Variants in CACNA2D4 observed in about 807,000 individuals in gnomAD.
CACNA2D4 encodes the protein calcium voltage-gated channel auxiliary subunit alpha2delta 4.
A neutral mutation model predicts 163.8 loss-of-function variants in CACNA2D4; 157 were observed. The ratio of observed to expected loss-of-function variants is 0.96; its 90% CI spans 0.84 to 1.09. CACNA2D4 has a LOEUF of 1.09. Ranked by LOEUF, CACNA2D4 falls within the 50% of genes least tolerant of loss-of-function variation. The pLI is 0.00. For synonymous variants in CACNA2D4, 598 were observed against 586.9 expected (o/e 1.02, Z -0.27); for missense variants, 1,410 against 1,479.9 (o/e 0.95, Z 0.78).
chr12:1,794,380 T>G (rs1863053013), intron 37 of CACNA2D4, among the ~76,000 whole-genome samples: 1 of 152,174 alleles, frequency 6.6e-6, no homozygotes, highest in Non-Finnish European at 1.5e-5. Context: ...CACCCCACTC[T>G]CTGGACACCA....
intron 3 of CACNA2D4, among the ~76,000 whole-genome samples, 185 bp from the exon 4 acceptor site, chr12:1,910,150 A>G (rs556293130): frequency 6.6e-6 from 1 of 152,378 alleles, no homozygotes; most frequent in South Asian, 2.1e-4. Flanking sequence ...TGCACAACAG[A>G]CAAAAGGCAC....
intron 13 of CACNA2D4, among the ~76,000 whole-genome samples, chr12:1,881,451 CT>C (rs1033962671): frequency 1.3e-5 from 2 of 152,240 alleles, no homozygotes; most frequent in Non-Finnish European, 2.9e-5. Context: ...TTCTGAAAGC[CT>C]TCGCTTTCCA....
intron 2 of CACNA2D4, 52 bp downstream of exon 2, chr12:1,914,802 T>C: frequency 7.7e-7 from 1 of 1,300,444 alleles, no homozygotes; most frequent in African/African-American, 1.4e-5. Context: ...GGGGCTTCGA[T>C]GGCTGACTGC....
At chr12:1,879,075 T>C in intron 14 of CACNA2D4, 39 bp from the exon 15 acceptor site, 1 of 1,561,382 alleles carries the variant, frequency 6.4e-7, no homozygotes, top group Non-Finnish European at 8.8e-7. Flanking sequence ...AGACCCAGCT[T>C]CCCTGTGTAC....
intron 26 of CACNA2D4, among the ~76,000 whole-genome samples, chr12:1,826,418 C>A (rs1864328858): frequency 7.0e-6 from 1 of 143,584 alleles, no homozygotes; most frequent in Non-Finnish European, 1.5e-5. Context: ...CCCCCCCCCG[C>A]CAACTGGCAC....
chr12:1,851,102 T>A (rs113420506), intron 23 of CACNA2D4, among the ~76,000 whole-genome samples: 1 of 152,170 alleles, frequency 6.6e-6, no homozygotes, highest in African/African-American at 2.4e-5. Context: ...AGGCTGGTCT[T>A]GAACTTTCAG....
intron 18 of CACNA2D4, among the ~76,000 whole-genome samples, chr12:1,863,444 C>T (rs1218336618): frequency 1.3e-5 from 2 of 152,192 alleles, no homozygotes; most frequent in African/African-American, 2.4e-5. Context: ...TTAGAACCAG[C>T]TTGTCTGTTT....
chr12:1,797,948 C>T (rs1048008144), intron 34 of CACNA2D4, among the ~76,000 whole-genome samples: 9 of 152,158 alleles, frequency 5.9e-5, no homozygotes, highest in Non-Finnish European at 1.3e-4. Context: ...CCTCCCTTCA[C>T]TGTGGACAGA....
At chr12:1,826,486 C>T (rs753571739) in intron 26 of CACNA2D4, among the ~76,000 whole-genome samples, 15 of 150,290 alleles carry the variant, frequency 1.0e-4, no homozygotes, top group East Asian at 2.0e-4. Context: ...GACAGCACCA[C>T]GCTCAGGGGC....
At position 1,843,742 on chromosome 12, in the gene CACNA2D4, T is replaced by C. The variant is rs917010248; in HGVS notation, c.2470+660A>G. ...TTCTTATTTTGGTTATTTTCCAGAA[T>C]GGGGGCTGGGGCTGGCTGGCAGTTG... On this transcript the variant is annotated intron_variant, in intron 25 of 37. Coordinates refer to ENST00000382722, the MANE Select transcript of CACNA2D4 (RefSeq NM_172364.5). The surrounding 1 kb of genome is among the most constrained non-coding windows in gnomAD (Gnocchi z 4.6). 2.0e-5 allele frequency among the ~76,000 whole-genome samples: 3 copies of C among 152,244 alleles called. No individual in the cohort carries two copies. The highest frequency in any genetic ancestry group is 4.4e-5 in the Non-Finnish European group (3 of 68,038).
rs146498088 is a variant in CACNA2D4 at position 1,907,687 on chromosome 12, G to T, written c.650-116C>A. The T allele has an allele frequency of 4.3e-5, 51 of 1,197,650 alleles. No homozygotes were observed. In the East Asian group the frequency reaches 1.3e-3, roughly 29 times the overall value. The allele number at this position is 1,197,650 out of a possible 1,614,324, so 74.2% of individuals were successfully genotyped here. On this transcript the variant is annotated intron_variant, in intron 5 of 37. Transcript: ENST00000382722. Reference sequence around the variant, plus strand: ...GTGGGCGTGTCTGGTAAGCGTGCCTGGTGGGTGTGCCTGGTGGGCGTGTCT... The same window carrying T: ...GTGGGCGTGTCTGGTAAGCGTGCCTTGTGGGTGTGCCTGGTGGGCGTGTCT...
chr12:1,800,475 T>G, intron 31 of CACNA2D4, 37 bp from the exon 32 acceptor site: 1 of 1,604,142 alleles, frequency 6.2e-7, no homozygotes, highest in Middle Eastern at 1.7e-4. Context: ...CGCACCTAGG[T>G]CCAAGGGTGA....
chr12:1,880,933 T>C (rs1865980589), intron 13 of CACNA2D4, among the ~76,000 whole-genome samples: 1 of 152,130 alleles, frequency 6.6e-6, no homozygotes, highest in East Asian at 1.9e-4. Flanking sequence ...TGTGGCCTGC[T>C]CTCCCTAGGA....
intron 6 of CACNA2D4, among the ~76,000 whole-genome samples, chr12:1,891,093 G>GT (rs1193491212): frequency 2.0e-5 from 3 of 152,234 alleles, no homozygotes; most frequent in Non-Finnish European, 4.4e-5. Context: ...TACTACTACT[G>GT]TCCCCTGAGC....
intron 32 of CACNA2D4, 66 bp from the exon 33 acceptor site, chr12:1,800,118 G>A (rs2154445244): frequency 6.7e-7 from 1 of 1,485,970 alleles, no homozygotes; most frequent in Non-Finnish European, 9.2e-7. Flanking sequence ...CCAAGGAGCT[G>A]GAGTATCCCT....
chr12:1,877,137 G>T (rs958825851), intron 16 of CACNA2D4, among the ~76,000 whole-genome samples: 4 of 152,188 alleles, frequency 2.6e-5, no homozygotes, highest in Admixed American at 2.6e-4. Flanking sequence ...CCTAATTAGA[G>T]TACAAGCCTC....
chr12:1,834,852 A>G lies in CACNA2D4; in HGVS notation c.2551+5887T>C. ...CACCCTCCTCCCCGCCCTCCAGCAGACAAGCCACACCGGGTTCTCTCCCTG... is the reference window on the plus strand; with the variant it reads ...CACCCTCCTCCCCGCCCTCCAGCAGGCAAGCCACACCGGGTTCTCTCCCTG... On this transcript the variant is annotated intron_variant, in intron 26 of 37. Coordinates refer to ENST00000382722, the MANE Select transcript of CACNA2D4 (RefSeq NM_172364.5). The surrounding 1 kb of genome is among the most constrained non-coding windows in gnomAD (Gnocchi z 7.6). The G allele has an allele frequency of 7.0e-7, 1 of 1,425,728 alleles. No individual in the cohort carries two copies. Among genetic ancestry groups the G allele is most frequent in the Non-Finnish European group, 9.2e-7 (1 of 1,091,294 alleles). The allele number at this position is 1,425,728 out of a possible 1,614,324, so 88.3% of individuals were successfully genotyped here.
chr12:1,827,215 C>T (rs1162499516), intron 26 of CACNA2D4, among the ~76,000 whole-genome samples: 9 of 152,214 alleles, frequency 5.9e-5, no homozygotes, highest in Non-Finnish European at 1.3e-4. Context: ...CAGCCTGGGC[C>T]TCCCATCTGG....
intron 1 of CACNA2D4, 118 bp downstream of exon 1, chr12:1,918,129 G>A: frequency 1.3e-6 from 1 of 747,932 alleles, no homozygotes; most frequent in Non-Finnish European, 2.3e-6. Context: ...AGCCACTGGG[G>A]AAAAGCCCAG....
Sources: allele counts gnomAD v4.1 joint callset (sites outside exome capture counted in the v4.1 genomes callset), GRCh38; gene constraint gnomAD v4.1.1; non-coding constraint Gnocchi (gnomAD v3.1); transcripts MANE v1.5; gene names NCBI Gene and HGNC (gene_info 2026-07-23, HGNC 2026-07-21).